The following IL17RA variants were observed in gnomAD, a reference collection of about 807,000 sequenced individuals.
IL17RA encodes the protein interleukin-17 receptor A.
A neutral mutation model predicts 50.4 loss-of-function variants in IL17RA; 34 were observed. The observed-to-expected ratio is 0.67, with a 90% CI of 0.51 to 0.90. The LOEUF (loss-of-function observed/expected upper bound fraction) is 0.90. Ranked by LOEUF, IL17RA falls within the 40% of genes least tolerant of loss-of-function variation. The probability of loss-of-function intolerance (pLI) is 0.00; values close to 1 mark genes in which losing one functional copy is unlikely to be tolerated. For missense variants in IL17RA, 1,276 were observed against 1,169.8 expected (o/e 1.09, Z -1.32); for synonymous variants, 585 against 510.4 (o/e 1.15, Z -1.97).
chr22:17,102,333 T>A, intron 7 of IL17RA, 31 bp downstream of exon 7: 1 of 1,612,634 alleles, frequency 6.2e-7, no homozygotes, highest in Non-Finnish European at 8.5e-7. Context: ...CCCTCTAGCA[T>A]AGCTCAGGAC....
At position 17,102,173 on chromosome 22, in the gene IL17RA, C is replaced by G. The variant is rs758116776; in HGVS notation, c.633C>G (p.Thr211=). The G allele has an allele frequency of 3.1e-6, 5 of 1,614,036 alleles. No individual in the cohort carries two copies. In the African/African-American group the frequency reaches 6.7e-5, roughly 22 times the overall value. The change falls in exon 7 of 13, where the codon ACC becomes ACG. Residue 211 remains threonine, a synonymous_variant. Coordinates refer to ENST00000319363, the MANE Select transcript of IL17RA (RefSeq NM_014339.7). ...GGGACCCCAACATCACCGTGGAGAC[C>G]CTGGAGGCCCACCAGCTGCGTGTGA... ...SLWDPNITVE[T]LEAHQLRVSF...
At chr22:17,096,888 G>T (rs1260678234) in intron 1 of IL17RA, among the ~76,000 whole-genome samples, 174 bp from the exon 2 acceptor site, 1 of 128,400 alleles carries the variant, frequency 7.8e-6, no homozygotes, top group Non-Finnish European at 1.7e-5. Flanking sequence ...AAAAAAAAAA[G>T]CACCATTCCC....
At chr22:17,096,734 G>T (rs553846451) in intron 1 of IL17RA, among the ~76,000 whole-genome samples, 3 of 152,198 alleles carry the variant, frequency 2.0e-5, no homozygotes, top group African/African-American at 4.8e-5. Context: ...GCCGGGCGTG[G>T]TGGCGGGCGC....
intron 1 of IL17RA, among the ~76,000 whole-genome samples, chr22:17,092,319 T>C (rs1037402195): frequency 6.6e-6 from 1 of 152,156 alleles, no homozygotes; most frequent in Admixed American, 6.6e-5. Flanking sequence ...AACTGGGAAA[T>C]GTGTTTCCCT....
chr22:17,110,112 A>C lies in IL17RA; in HGVS notation c.*292A>C. On this transcript the variant is annotated 3_prime_UTR_variant, in exon 13 of 13. Transcript: ENST00000319363. ...ATTCAGCATTTATTGTGCACCTACTATGTGGCGGGCATTTGGGATACCAAG... is the reference window on the plus strand; with the variant it reads ...ATTCAGCATTTATTGTGCACCTACTCTGTGGCGGGCATTTGGGATACCAAG... 7 of 449,192 alleles carry C rather than the reference A, an allele frequency of 1.6e-5. No homozygotes were observed. The highest frequency in any genetic ancestry group is 2.0e-5 in the African/African-American group (1 of 50,404). The allele number at this position is 449,192 out of a possible 1,614,324, so 27.8% of individuals were successfully genotyped here.
intron 9 of IL17RA, 98 bp from the exon 10 acceptor site, chr22:17,105,493 C>T (rs1196175344): frequency 8.4e-7 from 1 of 1,189,132 alleles, no homozygotes; most frequent in Non-Finnish European, 1.3e-6. Context: ...GCAGGGCCAA[C>T]ATCATTAAAG....
In IL17RA at chr22:17,085,339, T is replaced by A. The variant is rs2270242; in HGVS notation, c.138+110T>A. ...GCGCCCGGGCTGGGGAGGCAGGAAG[T>A]CCGCGCCGCGGGCTTAGAGGGGCTC... is the stretch of plus-strand genomic sequence containing the variant. On this transcript the variant is annotated intron_variant, in intron 1 of 12. Transcript: ENST00000319363. 1,194,539 of 1,493,196 alleles carry A rather than the reference T, an allele frequency of 0.8. 480,912 individuals are homozygous for A. Among genetic ancestry groups the A allele is most frequent in the African/African-American group, 0.92 (64,557 of 70,506 alleles). The allele number at this position is 1,493,196 out of a possible 1,614,324, so 92.5% of individuals were successfully genotyped here.
At chr22:17,100,923 C>T (rs2061388825) in intron 5 of IL17RA, among the ~76,000 whole-genome samples, 2 of 152,334 alleles carry the variant, frequency 1.3e-5, no homozygotes, top group Non-Finnish European at 2.9e-5. Flanking sequence ...CCATGCATGG[C>T]GCTCTACTCC....
rs985681630 is a variant in IL17RA, at chr22:17,109,624, C to T, written c.2405C>T (p.Pro802Leu). The T allele has an allele frequency of 3.7e-6, 6 of 1,607,892 alleles. No individual in the cohort carries two copies. The highest frequency in any genetic ancestry group is 1.7e-4 in the Middle Eastern group (1 of 5,936). ...SDQGYISRSSPQPPEGLTEME... is the reference protein window; with the variant it reads ...SDQGYISRSSLQPPEGLTEME... ...CAGGGCTACATCTCCAGGAGCTCCC[C>T]GCAGCCCCCCGAGGGACTCACGGAA... Residue 802 changes from proline to leucine, a missense_variant, in exon 13 of 13, where the codon CCG becomes CTG. Pro to Leu is a moderately conservative substitution (Grantham distance 98). Transcript: ENST00000319363.
chr22:17,109,231 C>G lies in IL17RA; in HGVS notation c.2012C>G (p.Ala671Gly), dbSNP rs970541811. 3 of 1,492,726 alleles carry G rather than the reference C, an allele frequency of 2.0e-6. No individual in the cohort carries two copies. The highest frequency in any genetic ancestry group is 2.7e-6 in the Non-Finnish European group (3 of 1,127,060). The allele number at this position is 1,492,726 out of a possible 1,614,324, so 92.5% of individuals were successfully genotyped here. ...CAGCCCCTCCACACCCTGGTGCTCG[C>G]CGCAGAGGAGGGGGCCCTGGTGGCC... ...APQPLHTLVLAAEEGALVAAV... is the reference protein window; with the variant it reads ...APQPLHTLVLGAEEGALVAAV... The change falls in exon 13 of 13, where the codon GCC (alanine) becomes GGC (glycine). Residue 671 changes from alanine to glycine, a missense_variant. Transcript: ENST00000319363.
In IL17RA at chr22:17,109,118, G is replaced by A. The variant is rs1466490849; in HGVS notation, c.1899G>A (p.Leu633=). The part of the protein sequence containing the change: ...LVREPGSQAC[L]AIDPLVGEEG... Reference sequence around the variant, plus strand: ...GCGAGCCTGGCTCCCAGGCCTGCCTGGCCATAGACCCGCTGGTCGGGGAGG... The same window carrying A: ...GCGAGCCTGGCTCCCAGGCCTGCCTAGCCATAGACCCGCTGGTCGGGGAGG... Residue 633 remains leucine (L), a synonymous_variant, in exon 13 of 13, where the codon CTG becomes CTA. Coordinates refer to ENST00000319363, the MANE Select transcript of IL17RA (RefSeq NM_014339.7). 5 of 1,552,686 alleles carry A rather than the reference G, an allele frequency of 3.2e-6. No individual in the cohort carries two copies. Among genetic ancestry groups the A allele is most frequent in the Non-Finnish European group, 4.3e-6 (5 of 1,156,756 alleles).
intron 1 of IL17RA, among the ~76,000 whole-genome samples, chr22:17,096,565 G>C (rs1370407920): frequency 6.6e-6 from 1 of 152,118 alleles, no homozygotes; most frequent in Non-Finnish European, 1.5e-5. Flanking sequence ...GCTCATAGCA[G>C]TTCCTCATAA....
rs1347587643 is a variant in IL17RA at position 17,105,849 on chromosome 22, G to A, written c.944-4G>A. On this transcript the variant is annotated splice_polypyrimidine_tract_variant and splice_region_variant and intron_variant, in intron 10 of 12. Transcript: ENST00000319363. ...CATCACTCACGCTGTTCTGCTCACC[G>A]CAGACTACATGCCCCTGTGGGTGTA... is the stretch of plus-strand genomic sequence containing the variant. 16 of 1,612,792 alleles carry A rather than the reference G, an allele frequency of 9.9e-6. No homozygotes were observed. Among genetic ancestry groups the A allele is most frequent in the African/African-American group, 1.3e-5 (1 of 74,902 alleles).
chr22:17,098,344 T>C (rs541654828), intron 3 of IL17RA, among the ~76,000 whole-genome samples: 1 of 152,154 alleles, frequency 6.6e-6, no homozygotes, highest in Non-Finnish European at 1.5e-5. Context: ...AGAGTTTATG[T>C]TACAGAATTG....
intron 1 of IL17RA, among the ~76,000 whole-genome samples, chr22:17,091,459 G>A (rs1185445425): frequency 3.3e-5 from 5 of 152,066 alleles, no homozygotes; most frequent in Non-Finnish European, 7.4e-5. Context: ...GGCGGATCAC[G>A]AGGTCAGGAG....
At chr22:17,086,001 G>A (rs2061326365) in intron 1 of IL17RA, among the ~76,000 whole-genome samples, 1 of 152,208 alleles carries the variant, frequency 6.6e-6, no homozygotes, top group Admixed American at 6.5e-5. Context: ...CACCACCTGG[G>A]TCTGGGAACC....
chr22:17,097,245 C>T, intron 2 of IL17RA, 159 bp downstream of exon 2: 1 of 716,676 alleles, frequency 1.4e-6, no homozygotes, highest in Non-Finnish European at 2.6e-6. Context: ...ATGCGTGCAC[C>T]TGCGCTTCCT....
chr22:17,104,298 C>T (rs1465751197), intron 8 of IL17RA, among the ~76,000 whole-genome samples: 1 of 79,460 alleles, frequency 1.3e-5, no homozygotes, highest in Admixed American at 1.3e-4. Flanking sequence ...GAGTGGGGAG[C>T]GTGCACAGGT....
chr22:17,094,518 T>G (rs2061358734), intron 1 of IL17RA, among the ~76,000 whole-genome samples: 1 of 150,742 alleles, frequency 6.6e-6, no homozygotes, highest in Non-Finnish European at 1.5e-5. Flanking sequence ...CACCTATATG[T>G]ATATTTTTCA....
Sources: allele counts gnomAD v4.1 joint callset (sites outside exome capture counted in the v4.1 genomes callset), GRCh38; gene constraint gnomAD v4.1.1; transcripts MANE v1.5; gene names NCBI Gene and HGNC (gene_info 2026-07-23, HGNC 2026-07-21).